The following NBPF26 variants were observed in gnomAD, a reference collection of about 807,000 sequenced individuals.
NBPF26 encodes the protein NBPF family member NBPF26.
Under a neutral mutation model 119.6 loss-of-function variants are expected in NBPF26, and 79 were observed. The ratio of observed to expected loss-of-function variants is 0.66; its 90% CI spans 0.55 to 0.80. The LOEUF is 0.80. NBPF26 is among the 30% of genes least tolerant of loss of function. The pLI is 0.00. For missense variants in NBPF26, 800 were observed against 1,198.2 expected (o/e 0.67, Z 4.91); for synonymous variants, 299 against 457.7 (o/e 0.65, Z 4.43).
At chr1:120,839,671 G>T in exon 29 of NBPF26, 1 of 77,208 alleles carries the variant, frequency 1.3e-5, no homozygotes, top group Non-Finnish European at 2.4e-5. Context: ...AGAAGGGGAA[G>T]AAGATCAAAG....
Position 120,815,128 on chromosome 1 carries a change from A to G in NBPF26, c.2092+85A>G. 3 of 1,348,374 alleles carry G rather than the reference A, an allele frequency of 2.2e-6. 1 individual carries two copies. The highest frequency in any genetic ancestry group is 3.0e-6 in the Non-Finnish European group (3 of 987,610). The allele number at this position is 1,348,374 out of a possible 1,614,324, so 83.5% of individuals were successfully genotyped here. On this transcript the variant is annotated intron_variant, in intron 12 of 29. Transcript: ENST00000620612. ...TCCATACTTTCACAATGACAGTTGT[A>G]TCAGTGGTGTTTTTTTCCACTAAGC...
chr1:120,817,331 A>G (rs1251700556), intron 14 of NBPF26, among the ~76,000 whole-genome samples: 2 of 93,964 alleles, frequency 2.1e-5, no homozygotes, highest in Non-Finnish European at 3.7e-5. Context: ...CTTTGCTGAT[A>G]TATTTCCATA....
At position 120,823,301 on chromosome 1, in the gene NBPF26, A is replaced by C; in HGVS notation, c.2588-8A>C. ...AATGTAAGAGGGCCCATCTGAATTTATTTGCAGGACATCGGTGGGATCAAG... is the reference window on the plus strand; with the variant it reads ...AATGTAAGAGGGCCCATCTGAATTTCTTTGCAGGACATCGGTGGGATCAAG... On this transcript the variant is annotated splice_region_variant and splice_polypyrimidine_tract_variant and intron_variant, in intron 16 of 29. Transcript: ENST00000620612. 7.3e-7 allele frequency: 1 copy of C among 1,361,970 alleles called. No individual in the cohort carries two copies. The highest frequency in any genetic ancestry group is 9.9e-7 in the Non-Finnish European group (1 of 1,014,048). The allele number at this position is 1,361,970 out of a possible 1,614,324, so 84.4% of individuals were successfully genotyped here.
intron 1 of NBPF26, among the ~76,000 whole-genome samples, chr1:120,728,872 G>A (rs1287261850): frequency 9.2e-6 from 1 of 109,092 alleles, no homozygotes; most frequent in African/African-American, 5.8e-5. Context: ...AACTAAAGGT[G>A]AAATATGATG....
chr1:120,810,071 G>T (rs1467660208), intron 8 of NBPF26, among the ~76,000 whole-genome samples, 188 bp downstream of exon 8: 1 of 130,270 alleles, frequency 7.7e-6, no homozygotes, highest in African/African-American at 3.6e-5. Flanking sequence ...CAAGTGTCAT[G>T]TCTGTACCAT....
At chr1:120,790,745 A>G (rs1405641467) in intron 3 of NBPF26, among the ~76,000 whole-genome samples, 2 of 110,408 alleles carry the variant, frequency 1.8e-5, no homozygotes, top group Non-Finnish European at 3.4e-5. Flanking sequence ...GATTACAGGT[A>G]TGCGCTATGA....
At chr1:120,758,762 A>C (rs1651102348) in intron 1 of NBPF26, among the ~76,000 whole-genome samples, 1 of 44,728 alleles carries the variant, frequency 2.2e-5, no homozygotes, top group Admixed American at 2.0e-4. Context: ...CTGGAATACC[A>C]GTCTAATTCC....
At chr1:120,822,933 C>T (rs1469131686) in intron 16 of NBPF26, among the ~76,000 whole-genome samples, 4 of 125,440 alleles carry the variant, frequency 3.2e-5, no homozygotes, top group Admixed American at 7.7e-5. Flanking sequence ...TCTGTGTCCA[C>T]AATCTCATAA....
chr1:120,824,126 G>C (rs2101538626), exon 18 of NBPF26: 2 of 453,192 alleles, frequency 4.4e-6, no homozygotes, highest in East Asian at 6.2e-5. Context: ...CAGCGTGTTG[G>C]CTTGGCTGTT....
rs1652168951 is a variant in NBPF26, at chr1:120,823,433, C to A, written c.2639+73C>A. On this transcript the variant is annotated intron_variant, in intron 17 of 29. Transcript: ENST00000620612. ...GATGCCAAGTCCAGGGAAAACAGTA[C>A]ATGCTGAAAATAATGATTTTGTCTT... 1.2e-5 allele frequency: 9 copies of A among 729,342 alleles called. 1 individual carries two copies. Among genetic ancestry groups the A allele is most frequent in the South Asian group, 1.0e-4 (7 of 69,540 alleles). 45.2% of individuals were successfully genotyped at this position (729,342 alleles called of 1,614,324 possible).
intron 2 of NBPF26, among the ~76,000 whole-genome samples, chr1:120,769,145 A>G (rs1454745851): frequency 3.7e-5 from 5 of 135,556 alleles, no homozygotes. Context: ...AACTAGAGCC[A>G]TTGCCTTCTT....
At chr1:120,801,276 A>AGACTGCAAGAAGTGGGGAATTGGAGAGT (rs1651577961) in intron 4 of NBPF26, among the ~76,000 whole-genome samples, 1 of 119,278 alleles carries the variant, frequency 8.4e-6, no homozygotes, top group Non-Finnish European at 1.7e-5. Context: ...TGGTTGTCAG[A>AGACTGCAAGAAGTGGGGAATTGGAGAGT]GACTGCAAGA....
chr1:120,724,105 C>A lies in NBPF26; in HGVS notation c.-73C>A, dbSNP rs1557978759. The stretch of plus-strand genomic sequence containing the variant: ...GAGAGTGGGGCTCCTCTATCGGGAC[C>A]CCCTCCCCATGTGGATCTGCCCAGG... On this transcript the variant is annotated 5_prime_UTR_variant, in exon 1 of 30. Transcript: ENST00000620612. 3.4e-5 allele frequency: 45 copies of A among 1,337,952 alleles called. 6 individuals carry two copies. In the East Asian group the frequency reaches 1.2e-3, roughly 34 times the overall value. The allele number at this position is 1,337,952 out of a possible 1,614,324, so 82.9% of individuals were successfully genotyped here. A position where few individuals can be genotyped will look rare whatever the true frequency, so the allele number is the denominator to read the frequency against.
chr1:120,792,589 C>A lies in NBPF26; in HGVS notation c.416-572C>A, dbSNP rs1239614390. On this transcript the variant is annotated intron_variant, in intron 3 of 29. Transcript: ENST00000620612. ...CAATCTCGGCTCACTGCAACCTCCG[C>A]CTCCTGGGTTCAAGTGATTCTTCTG... Among the ~76,000 whole-genome samples, 3 of 109,346 alleles carry A rather than the reference C, an allele frequency of 2.7e-5. No individual in the cohort carries two copies. The East Asian group carries it at 6.6e-4, about 24-fold the overall frequency. The allele number at this position is 109,346 out of a possible 152,430, so 71.7% of individuals were successfully genotyped here. A position where few individuals can be genotyped will look rare whatever the true frequency, so the allele number is the denominator to read the frequency against.
intron 1 of NBPF26, among the ~76,000 whole-genome samples, chr1:120,728,734 G>A (rs1650842818): frequency 8.6e-6 from 1 of 116,240 alleles, no homozygotes; most frequent in South Asian, 2.5e-4. Flanking sequence ...TAATTTTTTT[G>A]AGATTTTTTT....
intron 23 of NBPF26, 123 bp downstream of exon 27, chr1:120,833,106 G>T (rs1652390089): frequency 1.6e-6 from 1 of 631,924 alleles, no homozygotes; most frequent in Non-Finnish European, 2.7e-6. Flanking sequence ...TCCTGTCATT[G>T]CTGTTGGTTT....
chr1:120,791,847 T>C (rs1651497037), intron 3 of NBPF26, among the ~76,000 whole-genome samples: 1 of 72,070 alleles, frequency 1.4e-5, no homozygotes, highest in Non-Finnish European at 2.3e-5. Flanking sequence ...GTAGTTTAAA[T>C]AATAAGTGAC....
rs1256590554 is a variant in NBPF26, at chr1:120,808,492, A to G, written c.1065-53A>G. ...CAGAAGTCTCTGTTGCAATATTTGA[A>G]CGGATCACTCAACCCTTTCTACTCT... On this transcript the variant is annotated intron_variant, in intron 6 of 29. Transcript: ENST00000620612. 3.0e-4 allele frequency: 303 copies of G among 1,007,094 alleles called. 52 individuals carry two copies. The highest frequency in any genetic ancestry group is 7.1e-4 in the African/African-American group (28 of 39,278). The allele number at this position is 1,007,094 out of a possible 1,614,324, so 62.4% of individuals were successfully genotyped here. A position where few individuals can be genotyped will look rare whatever the true frequency, so the allele number is the denominator to read the frequency against.
chr1:120,823,631 C>A (rs1413140768), intron 17 of NBPF26, among the ~76,000 whole-genome samples: 1 of 125,228 alleles, frequency 8.0e-6, no homozygotes, highest in East Asian at 2.0e-4. Flanking sequence ...ACATTTTACG[C>A]AAAATTATTG....
Sources: allele counts gnomAD v4.1 joint callset (sites outside exome capture counted in the v4.1 genomes callset), GRCh38; gene constraint gnomAD v4.1.1; transcripts MANE v1.5; gene names NCBI Gene and HGNC (gene_info 2026-07-23, HGNC 2026-07-21).